Variants in LIX1 observed in about 807,000 individuals in gnomAD.
LIX1 encodes the protein limb and CNS expressed 1.
In LIX1, 24 loss-of-function variants were observed where a neutral mutation model predicts 33.4. The ratio of observed to expected loss-of-function variants is 0.72; its 90% CI spans 0.52 to 1.01. The LOEUF is 1.01. LIX1 is among the 50% of genes least tolerant of loss of function. The pLI is 0.00. For synonymous variants in LIX1, 124 were observed against 124.0 expected (o/e 1.00, Z 0.00); for missense variants, 311 against 339.2 (o/e 0.92, Z 0.65).
intron 4 of LIX1, among the ~76,000 whole-genome samples, chr5:97,102,767 T>C (rs966562396): frequency 1.3e-5 from 2 of 152,056 alleles, no homozygotes; most frequent in African/African-American, 4.8e-5. Flanking sequence ...CCCCCATCTT[T>C]GGCAGACTAA....
chr5:97,142,089 T>TAAC (rs1166847815), intron 1 of LIX1, among the ~76,000 whole-genome samples: 1 of 152,240 alleles, frequency 6.6e-6, no homozygotes, highest in East Asian at 1.9e-4. Flanking sequence ...ATACTTGAAT[T>TAAC]AACATAGCTA....
chr5:97,106,309 A>G (rs1352537880), intron 3 of LIX1, among the ~76,000 whole-genome samples: 3 of 152,230 alleles, frequency 2.0e-5, no homozygotes, highest in Non-Finnish European at 4.4e-5. Flanking sequence ...CAGACCAGAT[A>G]TAGAACAGAA....
chr5:97,113,361 T>C (rs1368221909), intron 2 of LIX1, among the ~76,000 whole-genome samples: 1 of 152,198 alleles, frequency 6.6e-6, no homozygotes, highest in Non-Finnish European at 1.5e-5. Context: ...GTTTGTAAGT[T>C]TTCAGGCTAT....
chr5:97,129,299 G>T (rs773658248), intron 1 of LIX1, among the ~76,000 whole-genome samples: 2 of 152,026 alleles, frequency 1.3e-5, no homozygotes, highest in Non-Finnish European at 1.5e-5. Context: ...CGCCCTACCC[G>T]CAAGAAACAT....
intron 4 of LIX1, among the ~76,000 whole-genome samples, chr5:97,101,187 C>T (rs796149528): frequency 1.2e-4 from 19 of 152,120 alleles, no homozygotes; most frequent in African/African-American, 4.6e-4. Flanking sequence ...TTTTGTTTAT[C>T]GTGAATTTTT....
At chr5:97,132,311 A>G (rs146837961) in intron 1 of LIX1, among the ~76,000 whole-genome samples, 52 of 152,358 alleles carry the variant, frequency 3.4e-4, no homozygotes, top group African/African-American at 1.1e-3. Flanking sequence ...AAATTGTGGA[A>G]CAGAGATGAT....
At chr5:97,131,871 G>A (rs183711383) in intron 1 of LIX1, among the ~76,000 whole-genome samples, 30 of 152,358 alleles carry the variant, frequency 2.0e-4, no homozygotes, top group East Asian at 1.9e-4. Context: ...CAACATGGGT[G>A]TATTGGTGGC....
chr5:97,103,887 C>T (rs1386152584), intron 4 of LIX1, among the ~76,000 whole-genome samples: 1 of 151,144 alleles, frequency 6.6e-6, no homozygotes, highest in Non-Finnish European at 1.5e-5. Context: ...ATGGCTTGAA[C>T]CTGGGAGGCA....
intron 5 of LIX1, among the ~76,000 whole-genome samples, chr5:97,096,474 G>A (rs1746380511): frequency 6.6e-6 from 1 of 152,176 alleles, no homozygotes; most frequent in Admixed American, 6.5e-5. Context: ...GCCTCAGAAG[G>A]TACAAGAGGG....
intron 1 of LIX1, among the ~76,000 whole-genome samples, 186 bp from the exon 2 acceptor site, chr5:97,124,815 A>C (rs568457913): frequency 5.3e-4 from 81 of 152,336 alleles, no homozygotes; most frequent in African/African-American, 1.9e-3. Context: ...ATATATTTAA[A>C]GTATGTTAAA....
chr5:97,099,174 C>T (rs1044046978), intron 4 of LIX1, among the ~76,000 whole-genome samples: 2 of 152,196 alleles, frequency 1.3e-5, no homozygotes, highest in African/African-American at 4.8e-5. Context: ...TCTTCCTGCC[C>T]TTGTTCAGAC....
At position 97,107,399 on chromosome 5, in the gene LIX1, G is replaced by T. The variant is rs773073424; in HGVS notation, c.348C>A (p.Phe116Leu). ...ELPSRRITKE[F>L]IMESVQEAVA... is the part of the protein sequence containing the mutation. Reference sequence around the variant, plus strand: ...CTGCTTCCTGAACACTTTCCATAATGAATTCCTTGGTGATCCTGCGAGAGG... The same window carrying T: ...CTGCTTCCTGAACACTTTCCATAATTAATTCCTTGGTGATCCTGCGAGAGG... Residue 116 changes from phenylalanine (F) to leucine (L), a missense_variant, in exon 3 of 6, where the codon TTC (phenylalanine) becomes TTA (leucine). Physicochemically the swap from Phe to Leu is conservative, Grantham distance 22. Coordinates refer to ENST00000274382, the MANE Select transcript of LIX1 (RefSeq NM_153234.5). 16 of 1,612,436 alleles carry T rather than the reference G, an allele frequency of 9.9e-6. No individual in the cohort carries two copies. In the South Asian group the frequency reaches 1.6e-4, roughly 17 times the overall value.
intron 1 of LIX1, among the ~76,000 whole-genome samples, chr5:97,128,213 C>G (rs1335796907): frequency 6.6e-6 from 1 of 152,188 alleles, no homozygotes; most frequent in Non-Finnish European, 1.5e-5. Context: ...AGGCTTTCCT[C>G]TAAATTATTC....
Position 97,093,802 on chromosome 5 carries a change from A to G in LIX1, c.*946T>C, listed in dbSNP as rs1472303702. On this transcript the variant is annotated 3_prime_UTR_variant, in exon 6 of 6. Transcript: ENST00000274382. The stretch of plus-strand genomic sequence containing the variant: ...CTGGTTGCTTATGTTCTTGAACAAC[A>G]AACAGAGCTAAAGGGTCCTTCTCTC... 2 of 152,326 alleles carry G rather than the reference A, an allele frequency of 1.3e-5. No homozygotes were observed. Among genetic ancestry groups the G allele is most frequent in the South Asian group, 4.1e-4 (2 of 4,830 alleles). The allele number at this position is 152,326 out of a possible 1,614,324, so 9.4% of individuals were successfully genotyped here. A position where few individuals can be genotyped will look rare whatever the true frequency, so the allele number is the denominator to read the frequency against.
chr5:97,133,271 G>T (rs1411430268), intron 1 of LIX1, among the ~76,000 whole-genome samples: 1 of 152,168 alleles, frequency 6.6e-6, no homozygotes, highest in Admixed American at 6.5e-5. Context: ...GACTGTCTGG[G>T]TTTGAATCCT....
chr5:97,092,852 G>A lies in LIX1; in HGVS notation c.*1896C>T, dbSNP rs569208178. On this transcript the variant is annotated 3_prime_UTR_variant, in exon 6 of 6. Coordinates refer to ENST00000274382, the MANE Select transcript of LIX1 (RefSeq NM_153234.5). ...CTTTTTGGAAATGACAATGTAAAGA[G>A]TAATGGCTTTATGAAAGAAATTAAC... is the stretch of plus-strand genomic sequence containing the variant. 6.6e-6 allele frequency: 1 copy of A among 152,404 alleles called. No individual in the cohort carries two copies. The highest frequency in any genetic ancestry group is 6.5e-5 in the Admixed American group (1 of 15,296). 9.4% of individuals were successfully genotyped at this position (152,404 alleles called of 1,614,324 possible).
At chr5:97,104,882 T>C (rs1746929791) in intron 4 of LIX1, among the ~76,000 whole-genome samples, 1 of 152,132 alleles carries the variant, frequency 6.6e-6, no homozygotes, top group Non-Finnish European at 1.5e-5. Context: ...ACTGTTATCA[T>C]TGGTTTAGTG....
chr5:97,140,022 G>T (rs996393075), intron 1 of LIX1, among the ~76,000 whole-genome samples: 1 of 152,118 alleles, frequency 6.6e-6, no homozygotes, highest in Non-Finnish European at 1.5e-5. Flanking sequence ...AACTCTCTGG[G>T]TGCTTTTTCT....
At chr5:97,134,194 A>G (rs1303917839) in intron 1 of LIX1, among the ~76,000 whole-genome samples, 1 of 152,232 alleles carries the variant, frequency 6.6e-6, no homozygotes, top group East Asian at 1.9e-4. Context: ...TTCTCAGCTC[A>G]CTGCAGCCTC....
Sources: gnomAD v4.1 joint callset for allele counts (sites outside exome capture counted in the v4.1 genomes callset) on GRCh38, gnomAD v4.1.1 for gene constraint, MANE v1.5 for transcripts, NCBI Gene and HGNC (gene_info 2026-07-23, HGNC 2026-07-21) for gene names.